The following ABL2 variants were observed in gnomAD, a reference collection of about 807,000 sequenced individuals.
The protein encoded by ABL2 is tyrosine-protein kinase ABL2.
A neutral mutation model predicts 107.7 loss-of-function variants in ABL2; 49 were observed. That is an observed-to-expected ratio of 0.45 (90% CI 0.36 to 0.58). ABL2 has a LOEUF of 0.58. ABL2 is among the 20% of genes least tolerant of loss of function. The pLI, the probability that ABL2 is intolerant of heterozygous loss-of-function variation, is 0.00. For missense variants in ABL2, 1,245 were observed against 1,457.0 expected, an observed-to-expected ratio of 0.85 and a Z score of 2.37; for synonymous variants, 549 against 548.6, an observed-to-expected ratio of 1.00 and a Z score of -0.01.
chr1:179,106,808 C>A lies in ABL2; in HGVS notation c.*910G>T. The stretch of plus-strand genomic sequence containing the variant: ...GAACTGTATCAGAACAGGATTCATT[C>A]CTTTGTGAGAACCTGTAGGGACTAC... On this transcript the variant is annotated 3_prime_UTR_variant, in exon 12 of 12. Transcript: ENST00000502732. The A allele has an allele frequency of 4.3e-6, 1 of 231,464 alleles. No homozygotes were observed. The highest frequency in any genetic ancestry group is 8.5e-6 in the Non-Finnish European group (1 of 116,988). 14.3% of individuals were successfully genotyped at this position (231,464 alleles called of 1,614,324 possible).
intron 1 of ABL2, among the ~76,000 whole-genome samples, chr1:179,199,078 G>T (rs1661505548): frequency 6.6e-6 from 1 of 151,974 alleles, no homozygotes; most frequent in Non-Finnish European, 1.5e-5. Flanking sequence ...CCTGACCTCA[G>T]GTGATCCACC....
At chr1:179,168,697 C>T (rs950485183) in intron 1 of ABL2, among the ~76,000 whole-genome samples, 1 of 152,122 alleles carries the variant, frequency 6.6e-6, no homozygotes, top group Non-Finnish European at 1.5e-5. Context: ...TTGTACAGGA[C>T]ACAGAGTAGA....
In ABL2 at chr1:179,190,790, T is replaced by G. The variant is rs531128103; in HGVS notation, c.157+38451A>C. Among the ~76,000 whole-genome samples, 4 of 151,776 alleles carry G rather than the reference T, an allele frequency of 2.6e-5. No individual in the cohort carries two copies. The South Asian group carries it at 6.2e-4, about 24-fold the overall frequency. The stretch of plus-strand genomic sequence containing the variant: ...GTGAGAGTCCTAGAATTTTAGGAGG[T>G]TTTTTTTGGCCGGGGAAACGGAATA... On this transcript the variant is annotated intron_variant, in intron 1 of 11. Coordinates refer to ENST00000502732, the MANE Select transcript of ABL2 (RefSeq NM_007314.4).
At chr1:179,218,261 A>C (rs1662686385) in intron 1 of ABL2, among the ~76,000 whole-genome samples, 1 of 152,248 alleles carries the variant, frequency 6.6e-6, no homozygotes, top group Admixed American at 6.5e-5. Context: ...CCACCAAAAA[A>C]ATGGTATAAG....
intron 1 of ABL2, among the ~76,000 whole-genome samples, chr1:179,159,507 G>A (rs552159993): frequency 6.6e-6 from 1 of 152,294 alleles, no homozygotes; most frequent in Non-Finnish European, 1.5e-5. Context: ...ATGAATTTAA[G>A]AGATACATCT....
At chr1:179,115,681 G>T (rs544576426) in intron 8 of ABL2, among the ~76,000 whole-genome samples, 5 of 152,124 alleles carry the variant, frequency 3.3e-5, no homozygotes, top group Admixed American at 6.5e-5. Context: ...GCATCCAAGG[G>T]GGGGGTCTTA....
chr1:179,111,878 T>C (rs1654114469), intron 10 of ABL2, among the ~76,000 whole-genome samples: 1 of 152,080 alleles, frequency 6.6e-6, no homozygotes. Flanking sequence ...ACCCCATCTC[T>C]ACTAAAAATA....
chr1:179,158,639 A>G (rs1658855472), intron 1 of ABL2, among the ~76,000 whole-genome samples: 5 of 152,240 alleles, frequency 3.3e-5, no homozygotes, highest in Admixed American at 3.3e-4. Context: ...TGGATGGTGA[A>G]GAATGAATTT....
chr1:179,148,493 G>A (rs1017527439), intron 1 of ABL2, among the ~76,000 whole-genome samples: 44 of 152,214 alleles, frequency 2.9e-4, no homozygotes, highest in Middle Eastern at 6.8e-3. Flanking sequence ...GTTTTGGGGC[G>A]CCACAAACTG....
chr1:179,119,955 G>A (rs1369815500), intron 6 of ABL2, among the ~76,000 whole-genome samples: 1 of 152,050 alleles, frequency 6.6e-6, no homozygotes, highest in African/African-American at 2.4e-5. Context: ...TTCCACCATG[G>A]TGACTAAAAA....
At chr1:179,195,521 C>T (rs765796252) in intron 1 of ABL2, among the ~76,000 whole-genome samples, 3 of 152,132 alleles carry the variant, frequency 2.0e-5, no homozygotes, top group Non-Finnish European at 4.4e-5. Flanking sequence ...AACAATTTCA[C>T]TTCTGTATAT....
At chr1:179,181,952 T>TC (rs1388642025) in intron 1 of ABL2, among the ~76,000 whole-genome samples, 2 of 140,786 alleles carry the variant, frequency 1.4e-5, no homozygotes, top group Non-Finnish European at 3.0e-5. Flanking sequence ...GGCTATTTTT[T>TC]TTTTTTTTTT....
intron 1 of ABL2, among the ~76,000 whole-genome samples, chr1:179,137,110 G>C (rs964696470): frequency 2.7e-4 from 41 of 152,008 alleles, no homozygotes; most frequent in Non-Finnish European, 8.8e-5. Context: ...TGATATCATG[G>C]AAAGTTAAAG....
intron 10 of ABL2, 53 bp downstream of exon 10, chr1:179,112,250 TCACCAC>T: frequency 6.9e-7 from 1 of 1,439,898 alleles, no homozygotes; most frequent in Non-Finnish European, 9.7e-7. Context: ...ATTACCATTA[TCACCAC>T]CACCACCACT....
Position 179,101,992 on chromosome 1 carries a change from A to ATTTTTTTTTTTTTTTT in ABL2, c.*5725_*5726insAAAAAAAAAAAAAAAA, listed in dbSNP as rs1557895974. On this transcript the variant is annotated 3_prime_UTR_variant, in exon 12 of 12. Transcript: ENST00000502732. ...AAAAAAAAGCAAGCTTTGCATTAGA[A>ATTTTTTTTTTTTTTTT]TTTCTTTTTTTTTTTTTTTTTTTTT... 2.0e-5 allele frequency: 2 copies of ATTTTTTTTTTTTTTTT among 100,298 alleles called. No homozygotes were observed. The highest frequency in any genetic ancestry group is 4.0e-5 in the African/African-American group (1 of 24,714). 6.2% of individuals were successfully genotyped at this position (100,298 alleles called of 1,614,324 possible).
chr1:179,109,058 C>T lies in ABL2; in HGVS notation c.2209G>A (p.Gly737Ser), dbSNP rs765579649. 5 of 1,601,722 alleles carry T rather than the reference C, an allele frequency of 3.1e-6. No homozygotes were observed. Among genetic ancestry groups the T allele is most frequent in the Non-Finnish European group, 3.4e-6 (4 of 1,175,422 alleles). Reference protein sequence around the residue: ...LCNDDGGGGGGSGTAGGGWSG... With the variant: ...LCNDDGGGGGSSGTAGGGWSG... ...CACCCACCCCCAGCAGTGCCACTGCCCCCACCCCCACCACCGTCGTCATTA... is the reference window on the plus strand; with the variant it reads ...CACCCACCCCCAGCAGTGCCACTGCTCCCACCCCCACCACCGTCGTCATTA... Residue 737 changes from glycine to serine, a missense_variant, in exon 12 of 12, where the codon GGC (glycine) becomes AGC (serine). Transcript: ENST00000502732.
chr1:179,206,311 T>C (rs377217448), intron 1 of ABL2, among the ~76,000 whole-genome samples: 1 of 152,124 alleles, frequency 6.6e-6, no homozygotes, highest in African/African-American at 2.4e-5. Flanking sequence ...CAACACATGG[T>C]TATTCTGAAA....
intron 3 of ABL2, among the ~76,000 whole-genome samples, chr1:179,128,243 T>C (rs1411652932): frequency 6.6e-6 from 1 of 151,966 alleles, no homozygotes; most frequent in Non-Finnish European, 1.5e-5. Context: ...TATACACCTA[T>C]GGGTACATAA....
intron 1 of ABL2, among the ~76,000 whole-genome samples, chr1:179,140,377 C>CA (rs1354543907): frequency 6.6e-6 from 1 of 152,204 alleles, no homozygotes; most frequent in African/African-American, 2.4e-5. Flanking sequence ...TTTTAAAGTA[C>CA]ATCTATTCTT....
Sources: allele counts gnomAD v4.1 joint callset (sites outside exome capture counted in the v4.1 genomes callset), GRCh38; gene constraint gnomAD v4.1.1; transcripts MANE v1.5; gene names NCBI Gene and HGNC (gene_info 2026-07-23, HGNC 2026-07-21).